Variants in CUL3 observed in about 807,000 individuals in gnomAD.
CUL3 encodes the protein cullin-3.
In CUL3, 19 loss-of-function variants were observed where a neutral mutation model predicts 89.1. That is an observed-to-expected ratio of 0.21 (90% confidence interval 0.15 to 0.31). The LOEUF (loss-of-function observed/expected upper bound fraction) is 0.31. CUL3 is among the 10% of genes least tolerant of loss of function. The pLI, the probability that CUL3 is intolerant of heterozygous loss-of-function variation, is 1.00. For missense variants in CUL3, 469 were observed against 942.3 expected (o/e 0.50, Z 6.58); for synonymous variants, 351 against 308.4 (o/e 1.14, Z -1.45).
intron 13 of CUL3, 46 bp from the exon 14 acceptor site, chr2:224,482,124 AAGTT>A (rs752355483): frequency 4.0e-6 from 6 of 1,491,928 alleles, no homozygotes; most frequent in Non-Finnish European, 5.4e-6. Flanking sequence ...TGAAAGATTA[AAGTT>A]AGTTAATTAG....
chr2:224,543,181 A>G (rs1332896557), intron 2 of CUL3, among the ~76,000 whole-genome samples: 1 of 152,234 alleles, frequency 6.6e-6, no homozygotes, highest in Non-Finnish European at 1.5e-5. Flanking sequence ...AAACAGAGTC[A>G]CATAATCAAT....
chr2:224,516,613 C>G (rs1334535334), intron 3 of CUL3, among the ~76,000 whole-genome samples: 1 of 150,702 alleles, frequency 6.6e-6, no homozygotes, highest in East Asian at 2.0e-4. Context: ...CTGAGCCCAG[C>G]CTCCCTCCTT....
chr2:224,575,819 G>A (rs1054498712), intron 1 of CUL3, among the ~76,000 whole-genome samples: 1 of 152,206 alleles, frequency 6.6e-6, no homozygotes, highest in South Asian at 2.1e-4. Flanking sequence ...TTTTAAACTA[G>A]TAGGATGACA....
At chr2:224,578,323 GTAAGAAATTT>G (rs1695356085) in intron 1 of CUL3, among the ~76,000 whole-genome samples, 2 of 152,194 alleles carry the variant, frequency 1.3e-5, no homozygotes, top group African/African-American at 4.8e-5. Context: ...AAAATTTACA[GTAAGAAATTT>G]TTTAACAGCA....
At chr2:224,515,867 AT>A (rs1259925938) in intron 3 of CUL3, among the ~76,000 whole-genome samples, 1 of 151,714 alleles carries the variant, frequency 6.6e-6, no homozygotes, top group African/African-American at 2.4e-5. Flanking sequence ...TAATCTTTTT[AT>A]TTTTTTGTGG....
At chr2:224,562,533 G>T (rs1488429184) in intron 1 of CUL3, among the ~76,000 whole-genome samples, 3 of 151,450 alleles carry the variant, frequency 2.0e-5, no homozygotes, top group African/African-American at 7.3e-5. Flanking sequence ...AGCTACAGGG[G>T]AAGCTAAGGC....
intron 6 of CUL3, among the ~76,000 whole-genome samples, chr2:224,511,055 G>T (rs1692808103): frequency 6.6e-6 from 1 of 152,160 alleles, no homozygotes; most frequent in Non-Finnish European, 1.5e-5. Context: ...AGGAAGTACA[G>T]GAATGAATGA....
intron 3 of CUL3, among the ~76,000 whole-genome samples, chr2:224,522,663 T>TA (rs1693311487): frequency 6.6e-6 from 1 of 151,790 alleles, no homozygotes; most frequent in Non-Finnish European, 1.5e-5. Context: ...CCATCTCTAC[T>TA]AAAAAATACA....
chr2:224,505,877 G>A (rs2106202182), intron 8 of CUL3, 79 bp downstream of exon 8: 1 of 972,836 alleles, frequency 1.0e-6, no homozygotes, highest in East Asian at 2.9e-5. Flanking sequence ...ATTTTTATCT[G>A]TGAAATGTCC....
chr2:224,512,496 T>C (rs1390199208), intron 5 of CUL3, among the ~76,000 whole-genome samples: 1 of 152,214 alleles, frequency 6.6e-6, no homozygotes, highest in East Asian at 1.9e-4. Context: ...AATGCCTTGT[T>C]ACAGTTACCT....
intron 3 of CUL3, among the ~76,000 whole-genome samples, chr2:224,526,000 A>G (rs897903370): frequency 6.6e-6 from 1 of 152,222 alleles, no homozygotes; most frequent in African/African-American, 2.4e-5. Flanking sequence ...GTTCTATGGT[A>G]TGTGCATGCA....
chr2:224,567,325 C>T (rs1490859706), intron 1 of CUL3, among the ~76,000 whole-genome samples: 1 of 152,204 alleles, frequency 6.6e-6, no homozygotes, highest in Non-Finnish European at 1.5e-5. Flanking sequence ...TCAAGGGATC[C>T]TTCCGTCTCA....
At chr2:224,497,677 G>T in intron 12 of CUL3, 76 bp downstream of exon 12, 1 of 1,098,078 alleles carries the variant, frequency 9.1e-7, no homozygotes, top group South Asian at 1.3e-5. Flanking sequence ...AATTTACCCA[G>T]GTCAACATAA....
Position 224,557,768 on chromosome 2 carries a change from A to G in CUL3, c.155T>C (p.Leu52Pro). The G allele has an allele frequency of 6.2e-7, 1 of 1,610,796 alleles. No individual in the cohort carries two copies. The highest frequency in any genetic ancestry group is 1.7e-4 in the Middle Eastern group (1 of 6,050). The change falls in exon 2 of 16, where the codon CTT (leucine) becomes CCT (proline). Residue 52 changes from leucine (L) to proline (P), a missense_variant. Leu to Pro is a moderately conservative substitution (Grantham distance 98, BLOSUM62 -3). Around this residue, in one of 4 missense-constraint regions of CUL3, gnomAD observed 370 missense variants for 733.2 expected, o/e 0.50. Transcript: ENST00000264414. The part of the protein sequence containing the change: ...QEIQRKNNSG[L>P]SFEELYRNAY... ...ATTTCTATAGAGCTCCTCAAAACTA[A>G]GACCACTGTTATTCTTACGCTGGAT...
At chr2:224,540,301 A>G (rs1694055254) in intron 2 of CUL3, among the ~76,000 whole-genome samples, 1 of 151,102 alleles carries the variant, frequency 6.6e-6, no homozygotes, top group African/African-American at 2.4e-5. Context: ...CAAGTGATCC[A>G]CTCGCCTCGG....
chr2:224,515,992 A>G (rs930072592), intron 3 of CUL3, among the ~76,000 whole-genome samples: 3 of 151,824 alleles, frequency 2.0e-5, no homozygotes, highest in African/African-American at 7.3e-5. Flanking sequence ...GCCCGGCCCC[A>G]AACAATTTTA....
In CUL3 at chr2:224,473,984, A is replaced by T; in HGVS notation, c.*261T>A. 3.3e-6 allele frequency: 1 copy of T among 303,074 alleles called. No homozygotes were observed. Among genetic ancestry groups the T allele is most frequent in the Admixed American group, 4.6e-5 (1 of 21,530 alleles). The allele number at this position is 303,074 out of a possible 1,614,324, so 18.8% of individuals were successfully genotyped here. ...TTATTTTCCTGTTTTCATACAGTAA[A>T]GAAAACAAAACGCAGCACATTCACA... On this transcript the variant is annotated 3_prime_UTR_variant, in exon 16 of 16. Coordinates refer to ENST00000264414, the MANE Select transcript of CUL3 (RefSeq NM_003590.5).
At chr2:224,557,881 GACAAAAA>G in intron 1 of CUL3, 25 bp from the exon 2 acceptor site, 3 of 53,730 alleles carry the variant, frequency 5.6e-5, no homozygotes, top group Non-Finnish European at 5.7e-5. Context: ...AGAGAGAAGA[GACAAAAA>G]AAAAAAAAAA....
At chr2:224,496,236 G>T (rs1692167592) in intron 12 of CUL3, among the ~76,000 whole-genome samples, 1 of 152,094 alleles carries the variant, frequency 6.6e-6, no homozygotes, top group South Asian at 2.1e-4. Context: ...TTGCCATGTT[G>T]CCCATGCTGG....
Sources: gnomAD v4.1 joint callset for allele counts (sites outside exome capture counted in the v4.1 genomes callset) on GRCh38, gnomAD v4.1.1 for gene constraint, gnomAD v4.1.1 regional missense constraint, MANE v1.5 for transcripts, NCBI Gene and HGNC (gene_info 2026-07-23, HGNC 2026-07-21) for gene names.